The following RECK variants were observed in gnomAD, a reference collection of about 807,000 sequenced individuals.
RECK encodes the protein reversion-inducing cysteine-rich protein with Kazal motifs.
Under a neutral mutation model 115.1 loss-of-function variants are expected in RECK, and 69 were observed. That is an observed-to-expected ratio of 0.60 (90% CI 0.49 to 0.73). The LOEUF (loss-of-function observed/expected upper bound fraction) is 0.73, where lower values mean the gene tolerates loss of function less well. RECK is among the 30% of genes least tolerant of loss of function. The probability of loss-of-function intolerance (pLI) is 0.00; values close to 1 mark genes in which losing one functional copy is unlikely to be tolerated. For missense variants in RECK, 1,047 were observed against 1,203.7 expected, an observed-to-expected ratio of 0.87 and a Z score of 1.93; for synonymous variants, 414 against 419.7, an observed-to-expected ratio of 0.99 and a Z score of 0.17.
In RECK at chr9:36,123,066, A is replaced by C. The variant is rs762671391; in HGVS notation, c.*21A>C. 6.3e-7 allele frequency: 1 copy of C among 1,583,640 alleles called. No individual in the cohort carries two copies. The highest frequency in any genetic ancestry group is 8.7e-7 in the Non-Finnish European group (1 of 1,154,832). On this transcript the variant is annotated 3_prime_UTR_variant, in exon 21 of 21. Transcript: ENST00000377966. Reference sequence around the variant, plus strand: ...ACTGACTGCCCACGGAAAGTGCAGAATGCTCCTCCACCTCACTCTCCTGCC... The same window carrying C: ...ACTGACTGCCCACGGAAAGTGCAGACTGCTCCTCCACCTCACTCTCCTGCC...
At chr9:36,088,069 A>T (rs1823033770) in intron 9 of RECK, 108 bp downstream of exon 9, 5 of 769,464 alleles carry the variant, frequency 6.5e-6, no homozygotes, top group Non-Finnish European at 1.1e-5. Context: ...TAGGTTTAGC[A>T]TTTAGAAAAT....
chr9:36,116,539 C>G (rs147244575), intron 16 of RECK, among the ~76,000 whole-genome samples: 3 of 152,250 alleles, frequency 2.0e-5, no homozygotes, highest in Non-Finnish European at 4.4e-5. Context: ...CAGCCTATCT[C>G]TTGGCCTCAT....
intron 10 of RECK, among the ~76,000 whole-genome samples, chr9:36,095,463 C>A (rs1248360825): frequency 6.6e-6 from 1 of 152,198 alleles, no homozygotes; most frequent in Non-Finnish European, 1.5e-5. Context: ...CATATCCCAA[C>A]TCCTCTTATG....
intron 2 of RECK, among the ~76,000 whole-genome samples, chr9:36,052,716 G>A (rs1431200085): frequency 2.0e-5 from 3 of 151,830 alleles, no homozygotes; most frequent in South Asian, 4.2e-4. Context: ...AAACATCAGC[G>A]CCTGTACTCT....
intron 16 of RECK, among the ~76,000 whole-genome samples, chr9:36,116,379 G>A (rs368705616): frequency 5.9e-5 from 9 of 152,158 alleles, no homozygotes; most frequent in African/African-American, 1.9e-4. Flanking sequence ...CACCCGCCTC[G>A]GCCTTCCAAA....
rs905601158 is a variant in RECK, at chr9:36,036,923, C to T, written c.-76C>T. On this transcript the variant is annotated 5_prime_UTR_variant, in exon 1 of 21. Transcript: ENST00000377966. ...TGGGGGCGGGGCCTCGCGCGAGCGG[C>T]GGCGGTAGCGGCGGCAGCGGCTGCG... 7.2e-6 allele frequency: 7 copies of T among 971,286 alleles called. No homozygotes were observed. Among genetic ancestry groups the T allele is most frequent in the African/African-American group, 1.7e-5 (1 of 57,516 alleles). 60.2% of individuals were successfully genotyped at this position (971,286 alleles called of 1,614,324 possible). A position where few individuals can be genotyped will look rare whatever the true frequency, so the allele number is the denominator to read the frequency against.
At chr9:36,081,336 G>A (rs905428621) in intron 7 of RECK, among the ~76,000 whole-genome samples, 1 of 152,116 alleles carries the variant, frequency 6.6e-6, no homozygotes, top group Non-Finnish European at 1.5e-5. Flanking sequence ...TCTAACTGAG[G>A]CTTAGTTCAA....
At chr9:36,073,345 C>T (rs191757250) in intron 6 of RECK, among the ~76,000 whole-genome samples, 1 of 151,772 alleles carries the variant, frequency 6.6e-6, no homozygotes, top group East Asian at 1.9e-4. Flanking sequence ...TATGATCCTT[C>T]CAGGCACATC....
intron 16 of RECK, among the ~76,000 whole-genome samples, chr9:36,115,453 T>C (rs974921580): frequency 7.9e-5 from 12 of 152,106 alleles, no homozygotes; most frequent in Non-Finnish European, 1.3e-4. Context: ...CTGCTCACGT[T>C]TACTTTTATT....
intron 1 of RECK, among the ~76,000 whole-genome samples, chr9:36,038,792 G>C (rs1820762901): frequency 6.6e-6 from 1 of 151,442 alleles, no homozygotes. Flanking sequence ...GATTCCTGTG[G>C]TAAAACAAAC....
At chr9:36,060,297 T>C (rs976219170) in intron 4 of RECK, 142 bp downstream of exon 4, 46 of 763,062 alleles carry the variant, frequency 6.0e-5, no homozygotes, top group South Asian at 9.0e-5. Flanking sequence ...AATTTTTTTT[T>C]TCTAAGACAC....
intron 18 of RECK, 64 bp downstream of exon 18, chr9:36,119,031 G>GCTTATCCACCTCC: frequency 1.4e-6 from 2 of 1,472,150 alleles, no homozygotes; most frequent in South Asian, 2.3e-5. Flanking sequence ...CACCTCCAGA[G>GCTTATCCACCTCC]AGTGAGTCAT....
At position 36,118,765 on chromosome 9, in the gene RECK, C is replaced by T. The variant is rs147648443; in HGVS notation, c.2262C>T (p.Cys754=). 6.1e-5 allele frequency: 98 copies of T among 1,613,728 alleles called. No individual in the cohort carries two copies. Among genetic ancestry groups the T allele is most frequent in the Admixed American group, 3.3e-5 (2 of 60,010 alleles). ...GATTTGTTTGCCCTCAGCCCTTTTGCAGAGCAACCGAGCCCGTATGTGGGC... is the reference window on the plus strand; with the variant it reads ...GATTTGTTTGCCCTCAGCCCTTTTGTAGAGCAACCGAGCCCGTATGTGGGC... ...LSYKGPCQPF[C]RATEPVCGHN... is the part of the protein sequence containing the mutation. Residue 754 remains cysteine (C), a synonymous_variant, in exon 18 of 21, where the codon TGC becomes TGT. Coordinates refer to ENST00000377966, the MANE Select transcript of RECK (RefSeq NM_021111.3).
chr9:36,101,989 G>A, intron 11 of RECK, 105 bp from the exon 12 acceptor site: 2 of 1,102,776 alleles, frequency 1.8e-6, no homozygotes. Flanking sequence ...AACATGTTAA[G>A]TTATGAAAGC....
At chr9:36,108,962 C>CAAA (rs1823927352) in intron 14 of RECK, among the ~76,000 whole-genome samples, 1 of 151,990 alleles carries the variant, frequency 6.6e-6, no homozygotes, top group Non-Finnish European at 1.5e-5. Context: ...CATAGTAGTT[C>CAAA]AGCTTTTATA....
At chr9:36,115,904 A>G (rs926080086) in intron 16 of RECK, among the ~76,000 whole-genome samples, 1 of 152,284 alleles carries the variant, frequency 6.6e-6, no homozygotes, top group Admixed American at 6.5e-5. Context: ...TAAACCCTTT[A>G]TAAAAATTAG....
At chr9:36,062,656 T>G (rs62543608) in intron 4 of RECK, among the ~76,000 whole-genome samples, 46,559 of 151,264 alleles carry the variant, frequency 0.31, 8,426 homozygotes, top group Middle Eastern at 0.47. Context: ...TTTTGAATTT[T>G]TAGTAGAGAT....
chr9:36,112,611 A>T, intron 16 of RECK, 135 bp downstream of exon 16: 1 of 946,740 alleles, frequency 1.1e-6, no homozygotes, highest in Non-Finnish European at 1.6e-6. Flanking sequence ...GTCTGGAGGG[A>T]AAGAGAGCCA....
intron 1 of RECK, among the ~76,000 whole-genome samples, chr9:36,044,643 T>C (rs1008506272): frequency 1.3e-5 from 2 of 152,224 alleles, no homozygotes; most frequent in Admixed American, 6.5e-5. Flanking sequence ...TAAAGTTTCC[T>C]ACTCTCACTA....
Sources: gnomAD v4.1 joint callset for allele counts (sites outside exome capture counted in the v4.1 genomes callset) on GRCh38, gnomAD v4.1.1 for gene constraint, MANE v1.5 for transcripts, NCBI Gene and HGNC (gene_info 2026-07-23, HGNC 2026-07-21) for gene names.